Variants in NDC1 observed in about 807,000 individuals in gnomAD.
NDC1 encodes the protein NDC1 transmembrane nucleoporin.
A neutral mutation model predicts 89.8 loss-of-function variants in NDC1; 24 were observed. The ratio of observed to expected loss-of-function variants is 0.27; its 90% confidence interval spans 0.19 to 0.38. NDC1 has a LOEUF of 0.38. Among genes scored for constraint, NDC1 ranks in the 10% least tolerant of loss-of-function variants. The probability of loss-of-function intolerance (pLI) is 1.00; values close to 1 mark genes in which losing one functional copy is unlikely to be tolerated. For missense variants in NDC1, 728 were observed against 797.6 expected (o/e 0.91, Z 1.05); for synonymous variants, 296 against 284.8 (o/e 1.04, Z -0.39).
At chr1:53,828,417 A>G (rs574536493) in intron 3 of NDC1, among the ~76,000 whole-genome samples, 2 of 152,146 alleles carry the variant, frequency 1.3e-5, no homozygotes, top group Non-Finnish European at 2.9e-5. Flanking sequence ...GGACAGCATG[A>G]TCAACATTTT....
intron 17 of NDC1, 73 bp from the exon 18 acceptor site, chr1:53,768,106 A>T (rs1165948604): frequency 1.1e-6 from 1 of 896,422 alleles, no homozygotes; most frequent in African/African-American, 1.7e-5. Context: ...CAGAGCACAG[A>T]GACAATATTT....
At chr1:53,825,777 G>A (rs1463704417) in intron 5 of NDC1, 21 bp downstream of exon 5, 2 of 1,556,134 alleles carry the variant, frequency 1.3e-6, no homozygotes, top group African/African-American at 1.4e-5. Flanking sequence ...TTGACATCAA[G>A]TAATGCTCAA....
chr1:53,819,085 G>A lies in NDC1; in HGVS notation c.595-6C>T, dbSNP rs1423517602. 14 of 1,405,716 alleles carry A rather than the reference G, an allele frequency of 1.0e-5. No individual in the cohort carries two copies. The highest frequency in any genetic ancestry group is 1.4e-5 in the African/African-American group (1 of 69,142). 87.1% of individuals were successfully genotyped at this position (1,405,716 alleles called of 1,614,324 possible). On this transcript the variant is annotated splice_region_variant and splice_polypyrimidine_tract_variant and intron_variant, in intron 5 of 17. Transcript: ENST00000371429. ...AAACGCAAGAACTTGTATTGCTGTG[G>A]GGAAAAAAAAAAGAATCAAATGACA...
At chr1:53,821,676 G>C (rs2100682913) in intron 5 of NDC1, among the ~76,000 whole-genome samples, 1 of 152,304 alleles carries the variant, frequency 6.6e-6, no homozygotes, top group South Asian at 2.1e-4. Flanking sequence ...AAGGTTCAGA[G>C]AGGCTAGGGA....
intron 14 of NDC1, among the ~76,000 whole-genome samples, chr1:53,792,827 T>C (rs1647565692): frequency 1.3e-5 from 2 of 152,230 alleles, no homozygotes; most frequent in African/African-American, 4.8e-5. Flanking sequence ...TCATCATAAA[T>C]TTAACATCTG....
chr1:53,805,499 C>A (rs1648071108), intron 9 of NDC1, among the ~76,000 whole-genome samples: 1 of 152,200 alleles, frequency 6.6e-6, no homozygotes, highest in Non-Finnish European at 1.5e-5. Context: ...CCTCTTTTAG[C>A]TCTTTTTAAA....
chr1:53,824,217 G>A (rs570461150), intron 5 of NDC1, among the ~76,000 whole-genome samples: 52 of 140,952 alleles, frequency 3.7e-4, no homozygotes, highest in Admixed American at 2.8e-3. Flanking sequence ...CTGAGTGACA[G>A]AGCAAGAACC....
At chr1:53,824,677 T>C (rs1411728265) in intron 5 of NDC1, among the ~76,000 whole-genome samples, 1 of 152,120 alleles carries the variant, frequency 6.6e-6, no homozygotes, top group Non-Finnish European at 1.5e-5. Flanking sequence ...GCCAGAGGAG[T>C]GCTTCTCAGT....
intron 17 of NDC1, among the ~76,000 whole-genome samples, chr1:53,769,233 C>T (rs1318025609): frequency 3.3e-5 from 5 of 152,070 alleles, no homozygotes; most frequent in Admixed American, 6.6e-5. Flanking sequence ...TTAAATTAGC[C>T]TAAATTAGGA....
intron 16 of NDC1, among the ~76,000 whole-genome samples, chr1:53,776,431 G>C (rs957926809): frequency 2.6e-5 from 4 of 152,144 alleles, no homozygotes; most frequent in African/African-American, 9.7e-5. Flanking sequence ...GAATTAGCAT[G>C]TAAAAATGGA....
chr1:53,834,878 C>T (rs1306777739), intron 2 of NDC1, among the ~76,000 whole-genome samples: 2 of 152,128 alleles, frequency 1.3e-5, no homozygotes, highest in Non-Finnish European at 2.9e-5. Flanking sequence ...GAGGCTGAGG[C>T]AGGTGGATTG....
At chr1:53,828,259 A>G (rs1189880924) in intron 3 of NDC1, 86 bp from the exon 4 acceptor site, 8 of 1,217,990 alleles carry the variant, frequency 6.6e-6, no homozygotes, top group African/African-American at 1.5e-5. Context: ...ATCCTTGCAC[A>G]AATGTTCCAA....
intron 16 of NDC1, among the ~76,000 whole-genome samples, chr1:53,778,565 C>A (rs74084411): frequency 0.012 from 1,810 of 149,680 alleles, 40 homozygotes; most frequent in African/African-American, 0.042. Flanking sequence ...CTAGCTTGGG[C>A]AACAAAGTGA....
intron 2 of NDC1, among the ~76,000 whole-genome samples, chr1:53,834,258 T>C (rs996963277): frequency 6.6e-6 from 1 of 152,212 alleles, no homozygotes. Flanking sequence ...TTGTGAACAA[T>C]TGGTAATGGC....
chr1:53,780,837 T>C (rs1170605403), intron 16 of NDC1, among the ~76,000 whole-genome samples: 1 of 151,334 alleles, frequency 6.6e-6, no homozygotes, highest in African/African-American at 2.4e-5. Flanking sequence ...ATGTTATGTA[T>C]ATTTTACTAA....
At chr1:53,807,980 G>A (rs1648171497) in intron 7 of NDC1, among the ~76,000 whole-genome samples, 189 bp from the exon 8 acceptor site, 1 of 152,150 alleles carries the variant, frequency 6.6e-6, no homozygotes, top group Admixed American at 6.5e-5. Flanking sequence ...GAGCTTTAAG[G>A]GAAGAACAGA....
At chr1:53,778,581 T>C (rs1279123315) in intron 16 of NDC1, among the ~76,000 whole-genome samples, 1 of 151,614 alleles carries the variant, frequency 6.6e-6, no homozygotes, top group African/African-American at 2.4e-5. Context: ...AGTGAGACCC[T>C]GTCTCTTTAT....
At chr1:53,793,062 T>TA (rs1647575273) in intron 14 of NDC1, among the ~76,000 whole-genome samples, 167 bp downstream of exon 14, 1 of 152,196 alleles carries the variant, frequency 6.6e-6, no homozygotes, top group African/African-American at 2.4e-5. Context: ...GATGTGTGTC[T>TA]AGGGCAACTA....
intron 6 of NDC1, among the ~76,000 whole-genome samples, chr1:53,811,946 AC>A (rs1557582621): frequency 6.6e-6 from 1 of 151,800 alleles, no homozygotes; most frequent in Non-Finnish European, 1.5e-5. Flanking sequence ...TGTGCAGACA[AC>A]CCCCAGTATC....
Sources: allele counts gnomAD v4.1 joint callset (sites outside exome capture counted in the v4.1 genomes callset), GRCh38; gene constraint gnomAD v4.1.1; transcripts MANE v1.5; gene names NCBI Gene and HGNC (gene_info 2026-07-23, HGNC 2026-07-21).